The following TNR variants were observed in gnomAD, a reference collection of about 807,000 sequenced individuals.
TNR encodes the protein tenascin R.
In TNR, 45 loss-of-function variants were observed where a neutral mutation model predicts 150.4. The observed-to-expected ratio is 0.30, with a 90% CI of 0.24 to 0.38. The LOEUF (loss-of-function observed/expected upper bound fraction) is 0.38, where lower values mean the gene tolerates loss of function less well. TNR is among the 10% of genes least tolerant of loss of function. TNR has a pLI of 1.00. For missense variants in TNR, 1,544 were observed against 1,759.1 expected, an observed-to-expected ratio of 0.88 and a Z score of 2.19; for synonymous variants, 687 against 678.4, an observed-to-expected ratio of 1.01 and a Z score of -0.20.
chr1:175,501,372 C>T (rs539480846), intron 2 of TNR, among the ~76,000 whole-genome samples: 128 of 152,280 alleles, frequency 8.4e-4, no homozygotes, highest in African/African-American at 3.0e-3. Context: ...CTGCCAATAG[C>T]CAGCAAGAAA....
intron 1 of TNR, among the ~76,000 whole-genome samples, chr1:175,722,799 C>G (rs954135261): frequency 1.4e-5 from 2 of 143,222 alleles, no homozygotes; most frequent in African/African-American, 5.3e-5. Context: ...AGTTGCTTCC[C>G]CCCTGCCCCC....
chr1:175,622,560 C>T (rs964661348), intron 1 of TNR, among the ~76,000 whole-genome samples: 4 of 152,208 alleles, frequency 2.6e-5, no homozygotes, highest in Non-Finnish European at 4.4e-5. Context: ...ACACCCTGTC[C>T]TTTGCCAACT....
At chr1:175,627,337 A>G (rs1664185723) in intron 1 of TNR, among the ~76,000 whole-genome samples, 1 of 152,224 alleles carries the variant, frequency 6.6e-6, no homozygotes, top group African/African-American at 2.4e-5. Context: ...ATCAGAGTTT[A>G]TAAAACTTGT....
chr1:175,334,834 T>C (rs1650147865), intron 20 of TNR, among the ~76,000 whole-genome samples: 1 of 152,220 alleles, frequency 6.6e-6, no homozygotes, highest in Admixed American at 6.5e-5. Flanking sequence ...TTAAACTCTT[T>C]CTTTATTGCA....
At chr1:175,592,514 A>T (rs1662840209) in intron 1 of TNR, among the ~76,000 whole-genome samples, 1 of 152,230 alleles carries the variant, frequency 6.6e-6, no homozygotes. Flanking sequence ...GAGGAGCCGG[A>T]GGCTCTCTCA....
At chr1:175,345,540 TTAAAG>T (rs1650739418) in intron 18 of TNR, among the ~76,000 whole-genome samples, 1 of 152,064 alleles carries the variant, frequency 6.6e-6, no homozygotes, top group South Asian at 2.1e-4. Flanking sequence ...TATTAACAGT[TTAAAG>T]TAAGAATACA....
intron 1 of TNR, among the ~76,000 whole-genome samples, chr1:175,624,337 G>A (rs1664076296): frequency 6.6e-6 from 1 of 152,168 alleles, no homozygotes; most frequent in Non-Finnish European, 1.5e-5. Context: ...TATTCCTGGA[G>A]CTTCAGAATG....
intron 1 of TNR, among the ~76,000 whole-genome samples, chr1:175,552,375 C>A (rs1231990189): frequency 1.3e-5 from 2 of 152,230 alleles, no homozygotes; most frequent in African/African-American, 2.4e-5. Context: ...CAGGACCCAA[C>A]TGCAGAGAGC....
intron 1 of TNR, among the ~76,000 whole-genome samples, chr1:175,715,027 C>T (rs961913162): frequency 6.6e-6 from 1 of 152,194 alleles, no homozygotes; most frequent in Admixed American, 6.5e-5. Flanking sequence ...CCTCTAAAAC[C>T]ATGCTTCTCA....
At chr1:175,541,633 A>C (rs1233081493) in intron 1 of TNR, among the ~76,000 whole-genome samples, 1 of 152,216 alleles carries the variant, frequency 6.6e-6, no homozygotes, top group Non-Finnish European at 1.5e-5. Flanking sequence ...TGGGGCTGAA[A>C]AAAAAAGACA....
chr1:175,578,304 C>A (rs142672261), intron 1 of TNR, among the ~76,000 whole-genome samples: 6 of 151,794 alleles, frequency 4.0e-5, no homozygotes, highest in East Asian at 1.9e-4. Flanking sequence ...CATAGATAAC[C>A]AGACAATAGC....
At chr1:175,536,418 C>T (rs1437478647) in intron 1 of TNR, among the ~76,000 whole-genome samples, 2 of 152,204 alleles carry the variant, frequency 1.3e-5, no homozygotes, top group Admixed American at 6.5e-5. Flanking sequence ...GCAGAATCCT[C>T]ACAAAGAGTT....
intron 1 of TNR, among the ~76,000 whole-genome samples, chr1:175,536,584 T>C (rs995356130): frequency 6.6e-6 from 1 of 152,238 alleles, no homozygotes; most frequent in Non-Finnish European, 1.5e-5. Flanking sequence ...TTGTCCTTCC[T>C]TCTGGTAGCA....
At chr1:175,342,281 C>T (rs1414446077) in intron 18 of TNR, among the ~76,000 whole-genome samples, 2 of 152,032 alleles carry the variant, frequency 1.3e-5, no homozygotes, top group Non-Finnish European at 2.9e-5. Context: ...GAAGTGGGGG[C>T]CCGGGATAGG....
chr1:175,543,177 G>A (rs77593816), intron 1 of TNR, among the ~76,000 whole-genome samples: 1,541 of 152,314 alleles, frequency 0.01, 34 homozygotes, highest in African/African-American at 0.035. Flanking sequence ...AACAAAATGG[G>A]GCAGAAAGGG....
chr1:175,361,669 TC>T (rs1328095102), intron 14 of TNR, among the ~76,000 whole-genome samples: 1 of 152,188 alleles, frequency 6.6e-6, no homozygotes, highest in Non-Finnish European at 1.5e-5. Context: ...AATACCATTC[TC>T]CAGTGAAATT....
intron 1 of TNR, among the ~76,000 whole-genome samples, chr1:175,594,364 C>T (rs1481325672): frequency 6.6e-6 from 1 of 152,136 alleles, no homozygotes; most frequent in Non-Finnish European, 1.5e-5. Flanking sequence ...GCACTTCTCC[C>T]ACCCCTTTTG....
At position 175,499,812 on chromosome 1, in the gene TNR, C is replaced by T. The variant is rs768659454; in HGVS notation, c.-64+28457G>A. Among the ~76,000 whole-genome samples, 6 of 152,258 alleles carry T rather than the reference C, an allele frequency of 3.9e-5. No individual in the cohort carries two copies. The East Asian group carries it at 5.8e-4, about 15-fold the overall frequency. On this transcript the variant is annotated intron_variant, in intron 2 of 22. Coordinates refer to ENST00000367674, the MANE Select transcript of TNR (RefSeq NM_003285.3). Reference sequence around the variant, plus strand: ...GTGGTTTCTCTTAGCAGGAAGTACACGGGCCTATCTCTCTCTTTCATCCCC... The same window carrying T: ...GTGGTTTCTCTTAGCAGGAAGTACATGGGCCTATCTCTCTCTTTCATCCCC...
chr1:175,384,624 T>C (rs1474235752), intron 8 of TNR, among the ~76,000 whole-genome samples: 3 of 152,228 alleles, frequency 2.0e-5, no homozygotes, highest in Non-Finnish European at 4.4e-5. Flanking sequence ...AAAATGAGCT[T>C]ACCTAAATGG....
Sources: allele counts gnomAD v4.1 joint callset (sites outside exome capture counted in the v4.1 genomes callset), GRCh38; gene constraint gnomAD v4.1.1; transcripts MANE v1.5; gene names NCBI Gene and HGNC (gene_info 2026-07-23, HGNC 2026-07-21).